IFT172: variants seen among roughly 807,000 people sequenced by gnomAD.
The protein encoded by IFT172 is intraflagellar transport protein 172 homolog.
A neutral mutation model predicts 248.9 loss-of-function variants in IFT172; 164 were observed. The ratio of observed to expected loss-of-function variants is 0.66; its 90% confidence interval spans 0.58 to 0.75. The LOEUF (loss-of-function observed/expected upper bound fraction) is 0.75, where lower values mean the gene tolerates loss of function less well. Ranked by LOEUF, IFT172 falls within the 30% of genes least tolerant of loss-of-function variation. IFT172 has a pLI of 0.00. For missense variants in IFT172, 1,950 were observed against 2,192.4 expected (o/e 0.89, Z 2.21); for synonymous variants, 729 against 791.6 (o/e 0.92, Z 1.33).
rs899559434 is a variant in IFT172, at chr2:27,454,962, G to A, written c.3372-302C>T. Among the ~76,000 whole-genome samples, 2 of 152,062 alleles carry A rather than the reference G, an allele frequency of 1.3e-5. No homozygotes were observed. The highest frequency in any genetic ancestry group is 3.9e-4 in the East Asian group (2 of 5,178). Reference sequence around the variant, plus strand: ...GAAGGGGAAGGGAGGAGTGAGCCTCGCAGCCCTACACTGACAGGGCTAGGA... The same window carrying A: ...GAAGGGGAAGGGAGGAGTGAGCCTCACAGCCCTACACTGACAGGGCTAGGA... On this transcript the variant is annotated intron_variant, in intron 30 of 47. Coordinates refer to ENST00000260570, the MANE Select transcript of IFT172 (RefSeq NM_015662.3). The surrounding 1 kb of genome is among the most constrained non-coding windows in gnomAD (Gnocchi z 4.2).
chr2:27,473,246 T>C (rs1184612809), intron 14 of IFT172, among the ~76,000 whole-genome samples: 1 of 147,950 alleles, frequency 6.8e-6, no homozygotes, highest in Non-Finnish European at 1.5e-5. Flanking sequence ...GGCTGGCACC[T>C]GTAGTCCCAG....
At chr2:27,446,056 AG>A in intron 43 of IFT172, 68 bp from the exon 44 acceptor site, 1 of 1,582,544 alleles carries the variant, frequency 6.3e-7, no homozygotes, top group Non-Finnish European at 8.7e-7. Context: ...TCTGGGATCC[AG>A]ATGCAAATGG....
At position 27,461,001 on chromosome 2, in the gene IFT172, T is replaced by G; in HGVS notation, c.2521+14A>C. 1 of 1,614,148 alleles carries G rather than the reference T, an allele frequency of 6.2e-7. No individual in the cohort carries two copies. Among genetic ancestry groups the G allele is most frequent in the Non-Finnish European group, 8.5e-7 (1 of 1,180,002 alleles). The stretch of plus-strand genomic sequence containing the variant: ...GTCCACAACAGTAAAGGATGGCTTA[T>G]AGGTGGCTAGTACCTTTCATGAATG... On this transcript the variant is annotated intron_variant, in intron 23 of 47. Transcript: ENST00000260570.
chr2:27,461,568 C>A, intron 21 of IFT172, 51 bp from the exon 22 acceptor site: 1 of 1,598,688 alleles, frequency 6.3e-7, no homozygotes, highest in South Asian at 1.1e-5. Flanking sequence ...TCCTACCCTT[C>A]TGCCTCCCAT....
At position 27,449,747 on chromosome 2, in the gene IFT172, G is replaced by A. The variant is rs1250132732; in HGVS notation, c.4104C>T (p.Phe1368=). The A allele has an allele frequency of 2.5e-6, 4 of 1,614,078 alleles. No individual in the cohort carries two copies. The highest frequency in any genetic ancestry group is 2.7e-5 in the African/African-American group (2 of 75,040). The change falls in exon 37 of 48, where the codon TTC becomes TTT. Residue 1368 remains phenylalanine (F), a synonymous_variant. Coordinates refer to ENST00000260570, the MANE Select transcript of IFT172 (RefSeq NM_015662.3). ...CCTTGTTCCACTCCTCACCCTCGAT[G>A]AAAGCATCGATTGCTTCCTTGACAA... The part of the protein sequence containing the change: ...LDLVKEAIDA[F]IEGEEWNKAK...
intron 7 of IFT172, 25 bp downstream of exon 7, chr2:27,483,264 C>T (rs772373136): frequency 3.0e-6 from 4 of 1,343,492 alleles, no homozygotes; most frequent in South Asian, 1.2e-5. Context: ...CAATCCAAGC[C>T]TCCCACAACA....
chr2:27,444,998 A>G lies in IFT172; in HGVS notation c.5160+16T>C. The G allele has an allele frequency of 3.7e-6, 6 of 1,612,108 alleles. No individual in the cohort carries two copies. The highest frequency in any genetic ancestry group is 2.2e-5 in the South Asian group (2 of 90,746). On this transcript the variant is annotated intron_variant, in intron 47 of 47. Coordinates refer to ENST00000260570, the MANE Select transcript of IFT172 (RefSeq NM_015662.3). ...CTGCCCTCTCTGCCTTCATTCTCCA[A>G]GTCCTCCTCTCTAACCTTGATGGCC... is the stretch of plus-strand genomic sequence containing the variant.
chr2:27,465,712 C>T, intron 17 of IFT172, 34 bp downstream of exon 17: 1 of 1,613,564 alleles, frequency 6.2e-7, no homozygotes, highest in Non-Finnish European at 8.5e-7. Context: ...CCAGACTCTC[C>T]CACCACCTCA....
intron 12 of IFT172, 66 bp from the exon 13 acceptor site, chr2:27,477,386 A>C (rs892690298): frequency 9.2e-6 from 13 of 1,413,212 alleles, no homozygotes; most frequent in African/African-American, 8.5e-5. Flanking sequence ...TGGGAGGTGT[A>C]CTGTCAGTTC....
At position 27,454,805 on chromosome 2, in the gene IFT172, G is replaced by A; in HGVS notation, c.3372-145C>T. The stretch of plus-strand genomic sequence containing the variant: ...AAATATGAAGTGACAGAAAAGCGTG[G>A]AGAGATAAAAAGGAAGACGGGCAGG... On this transcript the variant is annotated intron_variant, in intron 30 of 47. Coordinates refer to ENST00000260570, the MANE Select transcript of IFT172 (RefSeq NM_015662.3). The surrounding 1 kb of genome is among the most constrained non-coding windows in gnomAD (Gnocchi z 4.2). 2 of 721,274 alleles carry A rather than the reference G, an allele frequency of 2.8e-6. No individual in the cohort carries two copies. The highest frequency in any genetic ancestry group is 2.3e-6 in the Non-Finnish European group (1 of 429,146). 44.7% of individuals were successfully genotyped at this position (721,274 alleles called of 1,614,324 possible). A position where few individuals can be genotyped will look rare whatever the true frequency, so the allele number is the denominator to read the frequency against.
chr2:27,475,265 A>G (rs1470936978), intron 14 of IFT172, among the ~76,000 whole-genome samples: 1 of 152,188 alleles, frequency 6.6e-6, no homozygotes, highest in Non-Finnish European at 1.5e-5. Context: ...TTTTTTAGAG[A>G]ACAATTTGGA....
Position 27,465,483 on chromosome 2 carries a change from G to A in IFT172, c.1865C>T (p.Pro622Leu). The A allele has an allele frequency of 6.2e-7, 1 of 1,614,082 alleles. No homozygotes were observed. Among genetic ancestry groups the A allele is most frequent in the Non-Finnish European group, 8.5e-7 (1 of 1,180,014 alleles). Residue 622 changes from proline to leucine, a missense_variant, in exon 18 of 48, where the codon CCA (proline) becomes CTA (leucine). By Grantham distance (98) the Pro-to-Leu change is moderately conservative (BLOSUM62 -3). Coordinates refer to ENST00000260570, the MANE Select transcript of IFT172 (RefSeq NM_015662.3). ...GGTTTTCCACATTGCCTCTGTTTCT[G>A]GGGTCATTTCCAGAGTCTCTAAGAA... is the stretch of plus-strand genomic sequence containing the variant. ...TAFLETLEMT[P>L]ETEAMWKTLS... is the part of the protein sequence containing the mutation.
chr2:27,487,893 T>C (rs1394751249), intron 1 of IFT172, among the ~76,000 whole-genome samples: 2 of 152,162 alleles, frequency 1.3e-5, no homozygotes, highest in African/African-American at 2.4e-5. Context: ...CCTAGAACCA[T>C]GATTAAATCC....
intron 25 of IFT172, 173 bp downstream of exon 25, chr2:27,459,205 A>G: frequency 2.5e-6 from 2 of 790,554 alleles, no homozygotes; most frequent in Non-Finnish European, 3.9e-6. Flanking sequence ...TATCTGTGTC[A>G]CACTGGAATG....
chr2:27,474,546 TTTTTC>T (rs755550185), intron 14 of IFT172, among the ~76,000 whole-genome samples: 16 of 152,284 alleles, frequency 1.1e-4, no homozygotes, highest in Non-Finnish European at 2.2e-4. Flanking sequence ...AACTATTTTC[TTTTTC>T]TTTTCTTTTT....
intron 23 of IFT172, among the ~76,000 whole-genome samples, chr2:27,460,798 G>C (rs565957127): frequency 7.5e-6 from 1 of 132,716 alleles, no homozygotes; most frequent in South Asian, 2.8e-4. Context: ...CTCAGAGGCT[G>C]GCGGGATCCT....
At position 27,483,672 on chromosome 2, in the gene IFT172, A is replaced by T. The variant is rs1668547134; in HGVS notation, c.403-13T>A. 1.1e-5 allele frequency: 17 copies of T among 1,613,038 alleles called. No homozygotes were observed. Among genetic ancestry groups the T allele is most frequent in the Non-Finnish European group, 1.4e-5 (17 of 1,179,058 alleles). ...TTGCTAAACGAACCTGAAAATGGAA[A>T]AATTGATACAAGTATGGTTAGGCTA... On this transcript the variant is annotated splice_polypyrimidine_tract_variant and intron_variant, in intron 5 of 47. Transcript: ENST00000260570.
chr2:27,451,448 C>T (rs1401768152), intron 35 of IFT172, among the ~76,000 whole-genome samples: 1 of 152,136 alleles, frequency 6.6e-6, no homozygotes, highest in Non-Finnish European at 1.5e-5. Context: ...CTCCCTCTAA[C>T]TTCTAGGGGT....
At chr2:27,449,105 A>G (rs1558356671) in intron 39 of IFT172, 74 bp from the exon 40 acceptor site, 4 of 1,099,198 alleles carry the variant, frequency 3.6e-6, no homozygotes, top group East Asian at 4.7e-5. Flanking sequence ...ACTTGAGGCC[A>G]TGTATTTGTT....
Sources: allele counts gnomAD v4.1 joint callset (sites outside exome capture counted in the v4.1 genomes callset), GRCh38; gene constraint gnomAD v4.1.1; non-coding constraint Gnocchi (gnomAD v3.1); transcripts MANE v1.5; gene names NCBI Gene and HGNC (gene_info 2026-07-23, HGNC 2026-07-21).